The following MAD1L1 variants were observed in gnomAD, a reference collection of about 807,000 sequenced individuals.
The protein encoded by MAD1L1 is mitotic spindle assembly checkpoint protein MAD1.
A neutral mutation model predicts 96.9 loss-of-function variants in MAD1L1; 95 were observed. The ratio of observed to expected loss-of-function variants is 0.98; its 90% confidence interval spans 0.83 to 1.16. MAD1L1 has a LOEUF of 1.16. Ranked by LOEUF, MAD1L1 falls within the 50% of genes most tolerant of loss-of-function variation. MAD1L1 has a pLI of 0.00. For missense variants in MAD1L1, 1,007 were observed against 954.4 expected (o/e 1.06, Z -0.73); for synonymous variants, 473 against 396.6 (o/e 1.19, Z -2.29).
chr7:2,179,485 G>A lies in MAD1L1; in HGVS notation c.987-30247C>T, dbSNP rs182418903. Among the ~76,000 whole-genome samples the A allele has an allele frequency of 3.0e-3, 449 of 148,400 alleles. 2 individuals carry two copies. The highest frequency in any genetic ancestry group is 7.7e-3 in the African/African-American group (307 of 40,066). On this transcript the variant is annotated intron_variant, in intron 10 of 18. Coordinates refer to ENST00000265854, the MANE Select transcript of MAD1L1 (RefSeq NM_001013836.2). ...AGAGGTTGCAGTGAGCCAAGATCGC[G>A]CCATTGCACTCCAGCCTGGGCGACA...
intron 17 of MAD1L1, among the ~76,000 whole-genome samples, chr7:1,903,817 T>C (rs1583720312): frequency 1.6e-5 from 2 of 121,374 alleles, no homozygotes; most frequent in Admixed American, 8.4e-5. Flanking sequence ...CTATGAAAGA[T>C]GCTCTTGCAG....
At chr7:2,005,922 C>T (rs1227527864) in intron 13 of MAD1L1, among the ~76,000 whole-genome samples, 2 of 152,144 alleles carry the variant, frequency 1.3e-5, no homozygotes, top group Non-Finnish European at 2.9e-5. Flanking sequence ...TGACTCCAGG[C>T]GGAGGGTTCT....
intron 13 of MAD1L1, among the ~76,000 whole-genome samples, chr7:2,012,879 G>A (rs1177541969): frequency 1.3e-5 from 2 of 152,112 alleles, no homozygotes; most frequent in Non-Finnish European, 2.9e-5. Flanking sequence ...CTGTGCCCAC[G>A]CCCCCTCTAA....
intron 15 of MAD1L1, among the ~76,000 whole-genome samples, chr7:1,967,551 C>G (rs1780218731): frequency 6.6e-6 from 1 of 152,180 alleles, no homozygotes; most frequent in African/African-American, 2.4e-5. Flanking sequence ...GGTGTAGAAG[C>G]AGTGCCGTCC....
intron 18 of MAD1L1, among the ~76,000 whole-genome samples, chr7:1,885,690 C>T (rs376673569): frequency 2.6e-5 from 4 of 152,220 alleles, no homozygotes; most frequent in African/African-American, 9.6e-5. Context: ...AAGGTGCCCA[C>T]TCACCTGGCC....
intron 6 of MAD1L1, among the ~76,000 whole-genome samples, chr7:2,218,850 G>C (rs1793433186): frequency 1.3e-5 from 2 of 152,014 alleles, no homozygotes; most frequent in African/African-American, 4.8e-5. Flanking sequence ...AGTGAGCCGA[G>C]ATGGTGCCAC....
intron 12 of MAD1L1, among the ~76,000 whole-genome samples, chr7:2,056,340 C>T (rs1177991057): frequency 6.6e-6 from 1 of 152,180 alleles, no homozygotes; most frequent in Non-Finnish European, 1.5e-5. Flanking sequence ...GAAGAGACGG[C>T]GATCAGAAGC....
At chr7:2,192,636 T>G (rs1791784863) in intron 10 of MAD1L1, among the ~76,000 whole-genome samples, 1 of 152,094 alleles carries the variant, frequency 6.6e-6, no homozygotes, top group African/African-American at 2.4e-5. Flanking sequence ...CTCCACAGAG[T>G]AAAGTTTTTT....
chr7:2,206,427 G>C (rs772981961), intron 10 of MAD1L1, among the ~76,000 whole-genome samples: 14 of 152,244 alleles, frequency 9.2e-5, no homozygotes, highest in Non-Finnish European at 1.5e-4. Flanking sequence ...CAGATTTTGT[G>C]ACTTTTACAC....
At chr7:2,017,497 G>C (rs1782594009) in intron 12 of MAD1L1, among the ~76,000 whole-genome samples, 1 of 152,216 alleles carries the variant, frequency 6.6e-6, no homozygotes, top group South Asian at 2.1e-4. Flanking sequence ...CGGCCGATGG[G>C]GGCCGGGGGC....
chr7:1,819,318 C>T (rs936011703), intron 18 of MAD1L1, among the ~76,000 whole-genome samples: 10 of 152,314 alleles, frequency 6.6e-5, no homozygotes, highest in African/African-American at 7.2e-5. Context: ...CTGGCCGGCC[C>T]GAGCTGCCAC....
intron 11 of MAD1L1, among the ~76,000 whole-genome samples, chr7:2,078,394 C>T (rs547190822): frequency 2.0e-5 from 3 of 152,334 alleles, no homozygotes; most frequent in East Asian, 1.9e-4. Context: ...CTGGATCAGA[C>T]GCGTGCGTCC....
At chr7:2,199,006 C>G (rs954129847) in intron 10 of MAD1L1, among the ~76,000 whole-genome samples, 1 of 152,226 alleles carries the variant, frequency 6.6e-6, no homozygotes, top group Admixed American at 6.5e-5. Context: ...CCCCCCTTCA[C>G]AGTCCTCCCG....
rs112976529 is a variant in MAD1L1 at position 1,932,134 on chromosome 7, G to A, written c.1807+4553C>T. 1.6e-3 allele frequency among the ~76,000 whole-genome samples: 240 copies of A among 152,310 alleles called. 3 individuals are homozygous for A. Among genetic ancestry groups the A allele is most frequent in the African/African-American group, 5.6e-3 (233 of 41,540 alleles). ...TCTCTGGTGGGTTCCAGCCCCCGCTGGAGGCTGCCCAGGCTGGGGGCTTCC... is the reference window on the plus strand; with the variant it reads ...TCTCTGGTGGGTTCCAGCCCCCGCTAGAGGCTGCCCAGGCTGGGGGCTTCC... On this transcript the variant is annotated intron_variant, in intron 17 of 18. Coordinates refer to ENST00000265854, the MANE Select transcript of MAD1L1 (RefSeq NM_001013836.2).
At chr7:2,228,315 G>A (rs1479804927) in intron 3 of MAD1L1, among the ~76,000 whole-genome samples, 4 of 152,206 alleles carry the variant, frequency 2.6e-5, no homozygotes, top group Admixed American at 6.5e-5. Flanking sequence ...GGGCTGGAGT[G>A]CAGTGGCGCG....
At position 2,206,329 on chromosome 7, in the gene MAD1L1, C is replaced by CA. The variant is rs373655952; in HGVS notation, c.986+6882dup. On this transcript the variant is annotated intron_variant, in intron 10 of 18. Transcript: ENST00000265854. Reference sequence around the variant, plus strand: ...TGTATCTTTTGAGAGCAGAAGTTTTCAATTTTGATGAAGTCTAATTTATCA... The same window carrying CA: ...TGTATCTTTTGAGAGCAGAAGTTTTCAAATTTTGATGAAGTCTAATTTATCA... Among the ~76,000 whole-genome samples the CA allele has an allele frequency of 1.7e-3, 263 of 152,286 alleles. 1 individual carries two copies. The highest frequency in any genetic ancestry group is 5.8e-3 in the African/African-American group (243 of 41,558).
At chr7:1,818,037 T>C (rs1295103195) in intron 18 of MAD1L1, among the ~76,000 whole-genome samples, 1 of 151,860 alleles carries the variant, frequency 6.6e-6, no homozygotes, top group African/African-American at 2.4e-5. Context: ...TTGTCATAGT[T>C]CAACACAAAC....
At chr7:2,183,800 C>T (rs1235998171) in intron 10 of MAD1L1, among the ~76,000 whole-genome samples, 2 of 151,798 alleles carry the variant, frequency 1.3e-5, no homozygotes. Flanking sequence ...ATACCTAATG[C>T]TAAATGACGA....
At chr7:2,151,688 T>C (rs562455113) in intron 10 of MAD1L1, among the ~76,000 whole-genome samples, 3 of 152,350 alleles carry the variant, frequency 2.0e-5, no homozygotes, top group South Asian at 2.1e-4. Context: ...CTGCTAACCA[T>C]GTTCTGCGAT....
Sources: gnomAD v4.1 joint callset for allele counts (sites outside exome capture counted in the v4.1 genomes callset) on GRCh38, gnomAD v4.1.1 for gene constraint, MANE v1.5 for transcripts, NCBI Gene and HGNC (gene_info 2026-07-23, HGNC 2026-07-21) for gene names.